Variants in CAPN14 observed in about 807,000 individuals in gnomAD.
CAPN14 encodes calpain-14.
CAPN14 carries 94 observed loss-of-function variants against 101.3 expected under a neutral mutation model. That is an observed-to-expected ratio of 0.93 (90% CI 0.79 to 1.10). The LOEUF is 1.10. CAPN14 is among the 50% of genes least tolerant of loss of function. The probability of loss-of-function intolerance (pLI) is 0.00; values close to 1 mark genes in which losing one functional copy is unlikely to be tolerated. For missense variants in CAPN14, 837 were observed against 828.4 expected (o/e 1.01, Z -0.13); for synonymous variants, 338 against 317.9 (o/e 1.06, Z -0.67).
In CAPN14 at chr2:31,186,604, C is replaced by T. The variant is rs538938235; in HGVS notation, c.1588-119G>A. 34 of 700,024 alleles carry T rather than the reference C, an allele frequency of 4.9e-5. No homozygotes were observed. The African/African-American group carries it at 5.8e-4, about 12-fold the overall frequency. The allele number at this position is 700,024 out of a possible 1,614,324, so 43.4% of individuals were successfully genotyped here. ...GGGATTTCCTAAGAACTTCACAATG[C>T]TTTTTAACTGGGTGCCAACCCCAGA... On this transcript the variant is annotated intron_variant, in intron 15 of 21. Coordinates refer to ENST00000403897, the MANE Select transcript of CAPN14 (RefSeq NM_001145122.2).
At chr2:31,217,298 A>G (rs74324370) in intron 1 of CAPN14, among the ~76,000 whole-genome samples, 158 bp downstream of exon 1, 8,652 of 152,048 alleles carry the variant, frequency 0.057, 297 homozygotes, top group African/African-American at 0.087. Context: ...CAAAATTGAA[A>G]TCTCCAGACT....
At chr2:31,206,016 T>A (rs114629846) in intron 1 of CAPN14, among the ~76,000 whole-genome samples, 5,178 of 146,958 alleles carry the variant, frequency 0.035, 146 homozygotes, top group Non-Finnish European at 0.043. Flanking sequence ...TCCTACATTA[T>A]CTTTATTTTT....
In CAPN14 at chr2:31,186,458, G is replaced by T; in HGVS notation, c.1615C>A (p.Gln539Lys). The T allele has an allele frequency of 6.5e-7, 1 of 1,549,970 alleles. No individual in the cohort carries two copies. The highest frequency in any genetic ancestry group is 8.7e-7 in the Non-Finnish European group (1 of 1,146,402). Residue 539 changes from glutamine to lysine, a missense_variant, in exon 16 of 22, where the codon CAG (glutamine) becomes AAG (lysine). Gln to Lys is a moderately conservative substitution (Grantham distance 53). Coordinates refer to ENST00000403897, the MANE Select transcript of CAPN14 (RefSeq NM_001145122.2). ...CAGGTCATCTGGTTCAGGAGGTTCTGAAGTTGAACTGCATTAATCTCTGGA... is the reference window on the plus strand; with the variant it reads ...CAGGTCATCTGGTTCAGGAGGTTCTTAAGTTGAACTGCATTAATCTCTGGA... ...KHPEINAVQL[Q>K]NLLNQMTWSS...
At chr2:31,222,444 T>C (rs1311010036), upstream of CAPN14, among the ~76,000 whole-genome samples, 1 of 152,186 alleles carries the variant, frequency 6.6e-6, no homozygotes, top group Non-Finnish European at 1.5e-5. Context: ...TTGACCCTGA[T>C]GCTACTGCTT....
In CAPN14 at chr2:31,206,973, G is replaced by C. The variant is rs563311863; in HGVS notation, c.-52-1474C>G. On this transcript the variant is annotated intron_variant, in intron 1 of 21. Coordinates refer to ENST00000403897, the MANE Select transcript of CAPN14 (RefSeq NM_001145122.2). ...GTTTAGAGGGTGGGAGAGCGAGAAG[G>C]GTTAAATGATCTTCCTGGTGCTATA... Among the ~76,000 whole-genome samples the C allele has an allele frequency of 4.6e-5, 7 of 152,202 alleles. No homozygotes were observed. The South Asian group carries it at 1.2e-3, about 27-fold the overall frequency.
At chr2:31,181,529 T>TATA (rs1680630173) in intron 16 of CAPN14, among the ~76,000 whole-genome samples, 1 of 142,844 alleles carries the variant, frequency 7.0e-6, no homozygotes, top group Non-Finnish European at 1.5e-5. Flanking sequence ...ATTTTTTTAT[T>TATA]TTATTATTAT....
At chr2:31,200,773 C>G in intron 5 of CAPN14, 148 bp from the exon 6 acceptor site, 1 of 714,444 alleles carries the variant, frequency 1.4e-6, no homozygotes, top group East Asian at 2.8e-5. Flanking sequence ...TTTCCAATAC[C>G]ATACCCATCC....
At chr2:31,188,267 C>T in intron 14 of CAPN14, 51 bp downstream of exon 14, 2 of 1,505,108 alleles carry the variant, frequency 1.3e-6, no homozygotes, top group Non-Finnish European at 1.8e-6. Context: ...AACCCAACAC[C>T]CTGGCTTGGA....
In CAPN14 at chr2:31,199,489, G is replaced by A. The variant is rs1012199452; in HGVS notation, c.770C>T (p.Thr257Ile). Residue 257 changes from threonine to isoleucine, a missense_variant, in exon 7 of 22, where the codon ACT becomes ATT. Transcript: ENST00000403897. ...ACCCACCTTCCTGATTCCTGTGAGA[G>A]TATAGGCATGGCCTTCCACCAGCCC... The part of the protein sequence containing the change: ...ENGLVEGHAY[T>I]LTGIRKVTCK... The A allele has an allele frequency of 6.4e-7, 1 of 1,551,574 alleles. No individual in the cohort carries two copies. Among genetic ancestry groups the A allele is most frequent in the Non-Finnish European group, 8.7e-7 (1 of 1,146,914 alleles).
chr2:31,204,865 C>T (rs925011172), intron 2 of CAPN14, among the ~76,000 whole-genome samples: 6 of 152,204 alleles, frequency 3.9e-5, no homozygotes, highest in African/African-American at 7.2e-5. Context: ...ATGGGAATCA[C>T]GGTCCTGATT....
intron 9 of CAPN14, 65 bp from the exon 10 acceptor site, chr2:31,193,359 T>C (rs372844431): frequency 6.7e-7 from 1 of 1,487,532 alleles, no homozygotes; most frequent in Non-Finnish European, 9.1e-7. Flanking sequence ...TCAGGACCCA[T>C]GGGGAGGGTG....
At chr2:31,231,623 G>A (rs533694580) in intron 1 of CAPN14, among the ~76,000 whole-genome samples, 43 of 152,270 alleles carry the variant, frequency 2.8e-4, no homozygotes, top group Non-Finnish European at 1.9e-4. Context: ...GTGTCAACAC[G>A]CACTTGGTAA....
upstream of CAPN14, among the ~76,000 whole-genome samples, chr2:31,217,779 C>T (rs1572442675): frequency 6.6e-6 from 1 of 152,152 alleles, no homozygotes; most frequent in South Asian, 2.1e-4. Context: ...GGGGAGGGTA[C>T]TTTCAGGTGT....
At chr2:31,196,528 A>G (rs1186944227) in intron 8 of CAPN14, among the ~76,000 whole-genome samples, 1 of 152,224 alleles carries the variant, frequency 6.6e-6, no homozygotes, top group African/African-American at 2.4e-5. Flanking sequence ...ATCAATATAA[A>G]AATGATTAAG....
intron 18 of CAPN14, 28 bp from the exon 19 acceptor site, chr2:31,177,849 G>A: frequency 6.5e-7 from 1 of 1,531,750 alleles, no homozygotes; most frequent in Non-Finnish European, 8.9e-7. Flanking sequence ...AGAGGTTCAG[G>A]AAGCCAGGCA....
intron 2 of CAPN14, 117 bp from the exon 3 acceptor site, chr2:31,203,256 A>G: frequency 1.3e-6 from 1 of 742,454 alleles, no homozygotes; most frequent in South Asian, 1.7e-5. Flanking sequence ...GATACAGAAT[A>G]TAGGTGTAAT....
intron 1 of CAPN14, among the ~76,000 whole-genome samples, chr2:31,205,728 A>T (rs531538493): frequency 6.6e-6 from 1 of 152,182 alleles, no homozygotes; most frequent in East Asian, 1.9e-4. Flanking sequence ...AAGCCTACAG[A>T]AGGGAAAGTT....
intron 16 of CAPN14, among the ~76,000 whole-genome samples, chr2:31,181,523 T>C (rs1489651022): frequency 3.2e-5 from 4 of 126,096 alleles, no homozygotes; most frequent in Non-Finnish European, 6.3e-5. Flanking sequence ...TTTTTTATTT[T>C]TTTATTTTAT....
intron 10 of CAPN14, among the ~76,000 whole-genome samples, chr2:31,192,793 G>A (rs1681258699): frequency 6.6e-6 from 1 of 152,130 alleles, no homozygotes; most frequent in South Asian, 2.1e-4. Flanking sequence ...CAGTGGTCTT[G>A]TCCTAAAACT....
Sources: allele counts gnomAD v4.1 joint callset (sites outside exome capture counted in the v4.1 genomes callset), GRCh38; gene constraint gnomAD v4.1.1; transcripts MANE v1.5; gene names NCBI Gene and HGNC (gene_info 2026-07-23, HGNC 2026-07-21).